ZRANB1: variants seen among roughly 807,000 people sequenced by gnomAD.
ZRANB1 encodes ubiquitin thioesterase ZRANB1.
ZRANB1 carries 16 observed loss-of-function variants against 80.5 expected under a neutral mutation model. That is an observed-to-expected ratio of 0.20 (90% CI 0.13 to 0.30). ZRANB1 has a LOEUF of 0.30. Ranked by LOEUF, ZRANB1 falls within the 10% of genes least tolerant of loss-of-function variation. The pLI is 1.00. For missense variants in ZRANB1, 576 were observed against 862.6 expected (o/e 0.67, Z 4.16); for synonymous variants, 291 against 293.1 (o/e 0.99, Z 0.07).
In ZRANB1 at chr10:124,984,977, TGATGAA is replaced by T. The variant is rs753204652; in HGVS notation, c.2119_2124del (p.Asp707_Glu708del). 6.2e-7 allele frequency: 1 copy of T among 1,609,668 alleles called. No individual in the cohort carries two copies. The highest frequency in any genetic ancestry group is 2.2e-5 in the East Asian group (1 of 44,760). On this transcript the variant is annotated inframe_deletion, in exon 9 of 9. Coordinates refer to ENST00000359653, the MANE Select transcript of ZRANB1 (RefSeq NM_017580.3). ...TGTCTGATGGAGAGGAAGATGAGGA[TGATGAA>T]GATGAATGAAAAAAAAAATCAAACA... is the stretch of plus-strand genomic sequence containing the variant.
intron 5 of ZRANB1, among the ~76,000 whole-genome samples, chr10:124,980,910 C>T (rs1377573807): frequency 3.3e-5 from 5 of 152,132 alleles, no homozygotes; most frequent in African/African-American, 4.8e-5. Context: ...CACGTGTTCA[C>T]GTTTAACTTT....
chr10:124,982,337 CTG>C (rs375397057), intron 6 of ZRANB1, among the ~76,000 whole-genome samples: 12 of 152,148 alleles, frequency 7.9e-5, no homozygotes, highest in African/African-American at 2.4e-4. Flanking sequence ...GAGGCAATAC[CTG>C]TGTCATGTAG....
At chr10:124,926,830 A>G in the ZRANB1 span, among the ~76,000 whole-genome samples, 108 of 152,196 alleles carry the variant, frequency 7.1e-4, no homozygotes, top group Admixed American at 1.2e-3. Context: ...TTGTGCCATG[A>G]CATTATGGTG....
chr10:124,952,500 C>G (rs565225521), intron 1 of ZRANB1, among the ~76,000 whole-genome samples: 2 of 152,294 alleles, frequency 1.3e-5, no homozygotes, highest in East Asian at 3.9e-4. Context: ...AACTTCTGAC[C>G]TCCTGAATTC....
At chr10:124,922,435 C>G in the ZRANB1 span, among the ~76,000 whole-genome samples, 1 of 150,246 alleles carries the variant, frequency 6.7e-6, no homozygotes, top group Non-Finnish European at 1.5e-5. Flanking sequence ...AAGCTATCCT[C>G]TCACTTCAGC....
chr10:124,979,606 G>A (rs567534720), intron 5 of ZRANB1, among the ~76,000 whole-genome samples: 1 of 152,248 alleles, frequency 6.6e-6, no homozygotes. Context: ...CCAAGGTCAC[G>A]AAGATTTACT....
In ZRANB1 at chr10:124,942,427, T is replaced by C. The variant is rs1410982699; in HGVS notation, c.-67T>C. 8 of 1,588,640 alleles carry C rather than the reference T, an allele frequency of 5.0e-6. No individual in the cohort carries two copies. The highest frequency in any genetic ancestry group is 6.9e-6 in the Non-Finnish European group (8 of 1,164,786). Reference sequence around the variant, plus strand: ...TATTTTTGGAGGTGGAATGTAGTTATTTTAATAACCATGTCCTAATTATTT... The same window carrying C: ...TATTTTTGGAGGTGGAATGTAGTTACTTTAATAACCATGTCCTAATTATTT... On this transcript the variant is annotated 5_prime_UTR_variant, in exon 1 of 9. Transcript: ENST00000359653.
chr10:124,983,387 T>C lies in ZRANB1; in HGVS notation c.1679-72T>C. On this transcript the variant is annotated intron_variant, in intron 7 of 8. Coordinates refer to ENST00000359653, the MANE Select transcript of ZRANB1 (RefSeq NM_017580.3). The surrounding 1 kb of genome is among the most constrained non-coding windows in gnomAD (Gnocchi z 6.2). ...CAGGAAGGAGCAGTGGACAGGGGAATGTGAACAAGGGCAGTGAGGGAGTGG... is the reference window on the plus strand; with the variant it reads ...CAGGAAGGAGCAGTGGACAGGGGAACGTGAACAAGGGCAGTGAGGGAGTGG... 2 of 1,594,036 alleles carry C rather than the reference T, an allele frequency of 1.3e-6. No individual in the cohort carries two copies. The highest frequency in any genetic ancestry group is 1.7e-6 in the Non-Finnish European group (2 of 1,167,748).
chr10:124,954,836 A>C (rs996047424), intron 1 of ZRANB1, among the ~76,000 whole-genome samples: 2 of 151,548 alleles, frequency 1.3e-5, no homozygotes, highest in Non-Finnish European at 2.9e-5. Flanking sequence ...TGAACTTTAA[A>C]ACCGTCTAAT....
chr10:124,950,864 C>A (rs1951633376), intron 1 of ZRANB1, among the ~76,000 whole-genome samples: 1 of 151,972 alleles, frequency 6.6e-6, no homozygotes, highest in Non-Finnish European at 1.5e-5. Context: ...CCATGTGGTC[C>A]CCACCTATGC....
intron 5 of ZRANB1, among the ~76,000 whole-genome samples, chr10:124,976,391 G>T (rs1023061095): frequency 3.9e-5 from 6 of 152,108 alleles, no homozygotes; most frequent in African/African-American, 1.4e-4. Flanking sequence ...ACCTGGTTTG[G>T]TTCCTAAGAC....
intron 1 of ZRANB1, among the ~76,000 whole-genome samples, chr10:124,962,932 A>G (rs1245053058): frequency 6.6e-6 from 1 of 152,188 alleles, no homozygotes; most frequent in Non-Finnish European, 1.5e-5. Flanking sequence ...GACAGAAGGC[A>G]TAATACACGT....
In ZRANB1 at chr10:124,943,052, G is replaced by C. The variant is rs2134241957; in HGVS notation, c.559G>C (p.Glu187Gln). The change falls in exon 1 of 9, where the codon GAG becomes CAG. Residue 187 changes from glutamate to glutamine, a missense_variant. Coordinates refer to ENST00000359653, the MANE Select transcript of ZRANB1 (RefSeq NM_017580.3). The part of the protein sequence containing the change: ...PNNIEAIELA[E>Q]TEEASSIINE... ...TAACATTGAAGCAATAGAATTGGCA[G>C]AGACTGAAGAGGCTTCTTCAATAAT... 3 of 1,614,258 alleles carry C rather than the reference G, an allele frequency of 1.9e-6. No homozygotes were observed. The East Asian group carries it at 6.7e-5, about 36-fold the overall frequency.
chr10:124,946,902 A>G (rs1589840756), intron 1 of ZRANB1, among the ~76,000 whole-genome samples: 1 of 152,090 alleles, frequency 6.6e-6, no homozygotes, highest in Non-Finnish European at 1.5e-5. Flanking sequence ...ATTTTGGGTT[A>G]TTGATGTTAA....
chr10:124,917,067 C>A, the ZRANB1 span: 1 of 153,138 alleles, frequency 6.5e-6, no homozygotes, highest in South Asian at 1.9e-4. Context: ...GAGACCATGT[C>A]CTGACTGAGG....
intron 5 of ZRANB1, among the ~76,000 whole-genome samples, chr10:124,975,820 G>A (rs930750238): frequency 6.6e-6 from 1 of 152,190 alleles, no homozygotes; most frequent in African/African-American, 2.4e-5. Context: ...TGGCCAACTT[G>A]TTGAAACCCT....
the ZRANB1 span, among the ~76,000 whole-genome samples, chr10:124,919,159 A>G: frequency 2.6e-5 from 4 of 152,204 alleles, no homozygotes; most frequent in African/African-American, 9.7e-5. Context: ...GTTGTACAAT[A>G]TATGAGGCAA....
Position 124,965,455 on chromosome 10 carries a change from A to G in ZRANB1, c.815-1139A>G, listed in dbSNP as rs540662285. 2.6e-5 allele frequency among the ~76,000 whole-genome samples: 4 copies of G among 152,292 alleles called. No individual in the cohort carries two copies. In the South Asian group the frequency reaches 8.3e-4, roughly 32 times the overall value. ...TGGCAAGGCGTTCCTGTATATGATG[A>G]GGATTCAGTAAATGTGGGAATTATT... On this transcript the variant is annotated intron_variant, in intron 1 of 8. Coordinates refer to ENST00000359653, the MANE Select transcript of ZRANB1 (RefSeq NM_017580.3).
upstream of ZRANB1, chr10:124,940,638 G>A (rs989434144): frequency 5.0e-5 from 38 of 764,044 alleles, no homozygotes; most frequent in South Asian, 4.6e-5. Flanking sequence ...TATAAATGGT[G>A]TATGGACTTG....
Sources: allele counts gnomAD v4.1 joint callset (sites outside exome capture counted in the v4.1 genomes callset), GRCh38; gene constraint gnomAD v4.1.1; non-coding constraint Gnocchi (gnomAD v3.1); transcripts MANE v1.5; gene names NCBI Gene and HGNC (gene_info 2026-07-23, HGNC 2026-07-21).